Variants in FAT3 observed in about 807,000 individuals in gnomAD.
FAT3 encodes the protein FAT atypical cadherin 3, also known as protocadherin Fat 3.
FAT3 carries 95 observed loss-of-function variants against 310.2 expected under a neutral mutation model. The observed-to-expected ratio is 0.31, with a 90% CI of 0.26 to 0.36. FAT3 has a LOEUF of 0.36. Ranked by LOEUF, FAT3 falls within the 10% of genes least tolerant of loss-of-function variation. FAT3 has a pLI of 1.00. For synonymous variants in FAT3, 2,314 were observed against 2,192.9 expected (o/e 1.06, Z -1.54); for missense variants, 5,408 against 5,715.6 (o/e 0.95, Z 1.74).
chr11:92,293,527 TATATATATATATATATATATATATAA>T (rs1433555697), intron 1 of FAT3, among the ~76,000 whole-genome samples: 2 of 65,158 alleles, frequency 3.1e-5, no homozygotes, highest in African/African-American at 1.3e-4. Flanking sequence ...TATATATATA[TATATATATATATATATATATATATAA>T]ATAAAATATA....
intron 4 of FAT3, among the ~76,000 whole-genome samples, chr11:92,700,726 A>G (rs1010617781): frequency 6.6e-6 from 1 of 152,102 alleles, no homozygotes; most frequent in African/African-American, 2.4e-5. Context: ...ACACCATTTC[A>G]TTTAATAAAT....
At chr11:92,305,220 G>A (rs1369342549) in intron 1 of FAT3, among the ~76,000 whole-genome samples, 1 of 151,998 alleles carries the variant, frequency 6.6e-6, no homozygotes, top group African/African-American at 2.4e-5. Flanking sequence ...GGCACTGAGA[G>A]GTCTTATTTT....
intron 2 of FAT3, among the ~76,000 whole-genome samples, chr11:92,490,921 T>C (rs988389604): frequency 3.3e-5 from 5 of 152,036 alleles, no homozygotes; most frequent in African/African-American, 1.2e-4. Context: ...AAACTTAGGA[T>C]CAAGGTCCAA....
chr11:92,673,276 C>T (rs1310003860), intron 3 of FAT3, among the ~76,000 whole-genome samples: 1 of 152,170 alleles, frequency 6.6e-6, no homozygotes, highest in East Asian at 1.9e-4. Context: ...TTCTAAGTGT[C>T]ATTTTTATTT....
rs565583062 is a variant in FAT3 at position 92,507,613 on chromosome 11, A to G, written c.3293-17021A>G. Among the ~76,000 whole-genome samples the G allele has an allele frequency of 8.0e-4, 122 of 151,926 alleles. 2 individuals are homozygous for G. The highest frequency in any genetic ancestry group is 2.8e-3 in the African/African-American group (116 of 41,380). On this transcript the variant is annotated intron_variant, in intron 2 of 27. Coordinates refer to ENST00000525166, the MANE Select transcript of FAT3 (RefSeq NM_001367949.2). Reference sequence around the variant, plus strand: ...CCCTATATAACATATATGTGTGTATATACGTATAGGAAAATTGGAGGAGAT... The same window carrying G: ...CCCTATATAACATATATGTGTGTATGTACGTATAGGAAAATTGGAGGAGAT...
At chr11:92,544,646 C>T (rs533473992) in intron 3 of FAT3, among the ~76,000 whole-genome samples, 2 of 152,312 alleles carry the variant, frequency 1.3e-5, no homozygotes, top group African/African-American at 4.8e-5. Flanking sequence ...GGACTTTTAA[C>T]AGGGTCAGCT....
At chr11:92,395,871 G>A (rs560187489) in intron 2 of FAT3, among the ~76,000 whole-genome samples, 2 of 152,002 alleles carry the variant, frequency 1.3e-5, no homozygotes, top group African/African-American at 2.4e-5. Context: ...CAGCCACCAC[G>A]CCCGGCCCAG....
intron 2 of FAT3, among the ~76,000 whole-genome samples, chr11:92,410,658 G>T (rs1271896222): frequency 6.6e-6 from 1 of 151,974 alleles, no homozygotes; most frequent in African/African-American, 2.4e-5. Flanking sequence ...AGTAGCTAAT[G>T]AGAAGAGGGA....
In FAT3 at chr11:92,896,061, AT is replaced by A. The variant is rs1421110060; in HGVS notation, c.*4951del. On this transcript the variant is annotated 3_prime_UTR_variant, in exon 28 of 28. Transcript: ENST00000525166. ...TTCAAGAAAAATTGTCTTTATTGAC[AT>A]TTGTAAAAAAGAATGTGTTTTGCCC... The A allele has an allele frequency of 6.6e-6, 1 of 152,172 alleles. No individual in the cohort carries two copies. Among genetic ancestry groups the A allele is most frequent in the Non-Finnish European group, 1.5e-5 (1 of 68,014 alleles). 9.4% of individuals were successfully genotyped at this position (152,172 alleles called of 1,614,324 possible). A position where few individuals can be genotyped will look rare whatever the true frequency, so the allele number is the denominator to read the frequency against.
rs551396789 is a variant in FAT3, at chr11:92,877,585, C to T, written c.12128-3146C>T. Among the ~76,000 whole-genome samples, 15 of 152,276 alleles carry T rather than the reference C, an allele frequency of 9.9e-5. 1 individual carries two copies. The East Asian group carries it at 2.1e-3, about 22-fold the overall frequency. On this transcript the variant is annotated intron_variant, in intron 22 of 27. Coordinates refer to ENST00000525166, the MANE Select transcript of FAT3 (RefSeq NM_001367949.2). The stretch of plus-strand genomic sequence containing the variant: ...GGCCTTTACCTTCCCTCTGAACAGA[C>T]GATAAGATGAGCTGTTGCTAGGGAA...
intron 2 of FAT3, among the ~76,000 whole-genome samples, chr11:92,515,992 A>G (rs1199305292): frequency 6.6e-6 from 1 of 152,168 alleles, no homozygotes; most frequent in Admixed American, 6.6e-5. Flanking sequence ...TGAGGCAGTA[A>G]TTAATAGCCT....
At chr11:92,867,328 A>C in intron 22 of FAT3, 119 bp downstream of exon 22, 1 of 1,040,764 alleles carries the variant, frequency 9.6e-7, no homozygotes, top group Non-Finnish European at 1.4e-6. Flanking sequence ...ATTCACACCC[A>C]AGATGCTCGC....
chr11:92,608,767 A>G (rs1236696069), intron 3 of FAT3, among the ~76,000 whole-genome samples: 1 of 120,510 alleles, frequency 8.3e-6, no homozygotes, highest in East Asian at 2.2e-4. Flanking sequence ...CAACACAGCA[A>G]TATTCCACTG....
intron 4 of FAT3, among the ~76,000 whole-genome samples, chr11:92,730,725 CAT>C (rs1226919399): frequency 6.6e-6 from 1 of 152,182 alleles, no homozygotes; most frequent in African/African-American, 2.4e-5. Flanking sequence ...GTATTTTTAA[CAT>C]GTGTCAAAAT....
At chr11:92,435,839 T>G (rs1342817697) in intron 2 of FAT3, among the ~76,000 whole-genome samples, 1 of 152,050 alleles carries the variant, frequency 6.6e-6, no homozygotes, top group Non-Finnish European at 1.5e-5. Flanking sequence ...AGTGCTGGGA[T>G]TTCAGGTGTG....
intron 21 of FAT3, among the ~76,000 whole-genome samples, chr11:92,865,471 T>G (rs1010108553): frequency 6.6e-6 from 1 of 152,220 alleles, no homozygotes; most frequent in African/African-American, 2.4e-5. Flanking sequence ...GTATCTGTTC[T>G]CTGCACAGAA....
chr11:92,576,059 A>G (rs1003062948), intron 3 of FAT3, among the ~76,000 whole-genome samples: 1 of 152,120 alleles, frequency 6.6e-6, no homozygotes, highest in Non-Finnish European at 1.5e-5. Context: ...CTGAAGTATA[A>G]TCTCTGCCAG....
chr11:92,634,876 CT>C (rs137857962), intron 3 of FAT3, among the ~76,000 whole-genome samples: 4,205 of 152,268 alleles, frequency 0.028, 75 homozygotes, highest in African/African-American at 0.054. Context: ...AAATGGACCC[CT>C]GATCCAGTAG....
intron 3 of FAT3, among the ~76,000 whole-genome samples, chr11:92,661,009 C>T (rs2135793310): frequency 6.6e-6 from 1 of 151,764 alleles, no homozygotes; most frequent in South Asian, 2.1e-4. Context: ...TCTACCTCTA[C>T]ATCTACACAT....
Sources: gnomAD v4.1 joint callset for allele counts (sites outside exome capture counted in the v4.1 genomes callset) on GRCh38, gnomAD v4.1.1 for gene constraint, MANE v1.5 for transcripts, NCBI Gene and HGNC (gene_info 2026-07-23, HGNC 2026-07-21) for gene names.